KALRN: variants seen among roughly 807,000 people sequenced by gnomAD.
The protein encoded by KALRN is kalirin RhoGEF kinase.
KALRN carries 70 observed loss-of-function variants against 353.7 expected under a neutral mutation model. The observed-to-expected ratio is 0.20, with a 90% CI of 0.16 to 0.24. The LOEUF (loss-of-function observed/expected upper bound fraction) is 0.24, where lower values mean the gene tolerates loss of function less well. KALRN is among the 10% of genes least tolerant of loss of function. The probability of loss-of-function intolerance (pLI) is 1.00; values close to 1 mark genes in which losing one functional copy is unlikely to be tolerated. For missense variants in KALRN, 2,791 were observed against 3,756.7 expected, an observed-to-expected ratio of 0.74 and a Z score of 6.72; for synonymous variants, 1,391 against 1,434.8, an observed-to-expected ratio of 0.97 and a Z score of 0.69.
chr3:124,530,352 T>A (rs1224953121), intron 33 of KALRN, among the ~76,000 whole-genome samples: 7 of 152,184 alleles, frequency 4.6e-5, no homozygotes. Flanking sequence ...CCTCCCTTTT[T>A]ATCTCTGTCC....
At chr3:124,055,300 A>C (rs1333309335) in intron 1 of KALRN, among the ~76,000 whole-genome samples, 1 of 152,154 alleles carries the variant, frequency 6.6e-6, no homozygotes, top group East Asian at 1.9e-4. Flanking sequence ...TGCTGGAGGG[A>C]TGCAGGGTTC....
intron 5 of KALRN, among the ~76,000 whole-genome samples, chr3:124,286,296 C>CCTCTTCCCCTTT (rs1483296405): frequency 1.0e-4 from 15 of 150,304 alleles, no homozygotes; most frequent in African/African-American, 3.2e-4. Flanking sequence ...CCTTCCCCTT[C>CCTCTTCCCCTTT]CTCTTCCCCT....
chr3:124,705,796 G>T (rs1217576213), intron 57 of KALRN, among the ~76,000 whole-genome samples: 1 of 149,312 alleles, frequency 6.7e-6, no homozygotes, highest in Non-Finnish European at 1.5e-5. Flanking sequence ...GAAAAGACTG[G>T]TCCCTCCCTT....
At position 124,151,004 on chromosome 3, in the gene KALRN, A is replaced by G. The variant is rs1336523563; in HGVS notation, c.74-76986A>G. ...TGTCTGTCCTCTTTTGTTCAATGTT[A>G]TGTATGTGAGATTAATCCATGTTGT... is the stretch of plus-strand genomic sequence containing the variant. On this transcript the variant is annotated intron_variant, in intron 1 of 59. Coordinates refer to ENST00000682506, the MANE Select transcript of KALRN (RefSeq NM_001388419.1). Among the ~76,000 whole-genome samples, 2 of 152,186 alleles carry G rather than the reference A, an allele frequency of 1.3e-5. 1 individual carries two copies. Among genetic ancestry groups the G allele is most frequent in the Admixed American group, 1.3e-4 (2 of 15,270 alleles).
intron 3 of KALRN, among the ~76,000 whole-genome samples, chr3:124,243,814 A>G (rs1337128602): frequency 6.6e-6 from 1 of 152,238 alleles, no homozygotes; most frequent in African/African-American, 2.4e-5. Context: ...ATTCTGTGAG[A>G]TAACACATGT....
intron 16 of KALRN, among the ~76,000 whole-genome samples, chr3:124,433,597 A>T (rs1314615704): frequency 1.9e-5 from 1 of 51,440 alleles, no homozygotes; most frequent in East Asian, 7.8e-4. Flanking sequence ...GACCCTGTCT[A>T]AAAAAAAAAA....
At chr3:124,224,688 G>T (rs1382918019) in intron 1 of KALRN, among the ~76,000 whole-genome samples, 1 of 152,196 alleles carries the variant, frequency 6.6e-6, no homozygotes, top group Non-Finnish European at 1.5e-5. Context: ...GATTCTGGGG[G>T]ACAAATGGGC....
rs71145446 is a variant in KALRN, at chr3:124,311,064, C to CTTTTTTTTTTTTTTTTTTTT, written c.1092+12160_1092+12179dup. On this transcript the variant is annotated intron_variant, in intron 6 of 59. Coordinates refer to ENST00000682506, the MANE Select transcript of KALRN (RefSeq NM_001388419.1). ...TCAAAACCACAATGAGATACTACTT[C>CTTTTTTTTTTTTTTTTTTTT]TTTTTTTTTTTTTTTTTTTTTTTTT... 1.3e-4 allele frequency among the ~76,000 whole-genome samples: 9 copies of CTTTTTTTTTTTTTTTTTTTT among 67,526 alleles called. 1 individual carries two copies. Among genetic ancestry groups the CTTTTTTTTTTTTTTTTTTTT allele is most frequent in the Admixed American group, 2.1e-4 (1 of 4,720 alleles). The allele number at this position is 67,526 out of a possible 152,430, so 44.3% of individuals were successfully genotyped here. A position where few individuals can be genotyped will look rare whatever the true frequency, so the allele number is the denominator to read the frequency against.
intron 51 of KALRN, among the ~76,000 whole-genome samples, chr3:124,691,161 G>A (rs144501901): frequency 1.6e-4 from 25 of 152,258 alleles, no homozygotes; most frequent in Non-Finnish European, 2.2e-4. Flanking sequence ...GGGCGTGGTG[G>A]TTCATGCCTG....
Position 124,334,522 on chromosome 3 carries a change from A to G in KALRN, c.1647+27A>G, listed in dbSNP as rs767630787. On this transcript the variant is annotated intron_variant, in intron 9 of 59. Transcript: ENST00000682506. This position sits in a 1 kb window ranked among gnomAD's most constrained non-coding sequence, Gnocchi z 4.2. Reference sequence around the variant, plus strand: ...TAACAGGCTCTGAGCCCCGGTGTCCATTATCCATTCTAGGAGGCAGACCGA... The same window carrying G: ...TAACAGGCTCTGAGCCCCGGTGTCCGTTATCCATTCTAGGAGGCAGACCGA... 4 of 1,548,314 alleles carry G rather than the reference A, an allele frequency of 2.6e-6. No homozygotes were observed. The highest frequency in any genetic ancestry group is 3.5e-6 in the Non-Finnish European group (4 of 1,127,198).
rs905187634 is a variant in KALRN, at chr3:124,482,668, C to T, written c.4192-140C>T. On this transcript the variant is annotated intron_variant, in intron 27 of 59. Transcript: ENST00000682506. ...TGTTTCTCTTTTTACTCCCCTCTCC[C>T]TATGAAAGAACATGTTCTCATACTT... The T allele has an allele frequency of 8.0e-6, 5 of 626,998 alleles. No individual in the cohort carries two copies. In the Admixed American group the frequency reaches 1.0e-4, roughly 13 times the overall value. The allele number at this position is 626,998 out of a possible 1,614,324, so 38.8% of individuals were successfully genotyped here.
At chr3:124,117,789 G>A (rs2063587047) in intron 1 of KALRN, among the ~76,000 whole-genome samples, 1 of 152,130 alleles carries the variant, frequency 6.6e-6, no homozygotes, top group Non-Finnish European at 1.5e-5. Context: ...TCAGATTGAG[G>A]CATTCACCAA....
chr3:124,709,011 A>G (rs769412994), intron 57 of KALRN, among the ~76,000 whole-genome samples: 4 of 152,230 alleles, frequency 2.6e-5, no homozygotes, highest in Non-Finnish European at 4.4e-5. Context: ...CTGGCCACCA[A>G]GAATTCTAAA....
At chr3:124,491,075 T>G (rs900995980) in intron 30 of KALRN, among the ~76,000 whole-genome samples, 191 bp downstream of exon 30, 2 of 151,176 alleles carry the variant, frequency 1.3e-5, no homozygotes, top group South Asian at 4.2e-4. Context: ...AGTTCACAGT[T>G]CTTCTTTCTG....
At chr3:124,621,638 G>A (rs148606180) in intron 34 of KALRN, among the ~76,000 whole-genome samples, 3 of 152,120 alleles carry the variant, frequency 2.0e-5, no homozygotes, top group Non-Finnish European at 2.9e-5. Flanking sequence ...CCCACTTCCC[G>A]GCCCCATTTC....
At chr3:124,689,261 G>A (rs59477786) in intron 51 of KALRN, among the ~76,000 whole-genome samples, 78 of 152,156 alleles carry the variant, frequency 5.1e-4, no homozygotes, top group African/African-American at 1.9e-3. Context: ...GGCAACAGTT[G>A]CCCAGTACAG....
chr3:124,299,911 T>C (rs933804832), intron 6 of KALRN, among the ~76,000 whole-genome samples: 1 of 152,164 alleles, frequency 6.6e-6, no homozygotes, highest in Non-Finnish European at 1.5e-5. Flanking sequence ...TCCTGCAGCC[T>C]CAGAATGCCT....
intron 51 of KALRN, among the ~76,000 whole-genome samples, chr3:124,690,471 A>T (rs906104782): frequency 3.9e-5 from 6 of 152,158 alleles, no homozygotes; most frequent in Admixed American, 2.6e-4. Context: ...TTGCTGGAGG[A>T]TTTTAAATTA....
rs2076939846 is a variant in KALRN, at chr3:124,602,811, A to G, written c.5183-29609A>G. ...CTTCAGCTTTTGGGAGTCAGCCTAT[A>G]TGTTTCACAAATGACAAAGCTGAGG... On this transcript the variant is annotated intron_variant, in intron 34 of 59. Transcript: ENST00000682506. Among the ~76,000 whole-genome samples the G allele has an allele frequency of 2.0e-5, 3 of 152,180 alleles. No individual in the cohort carries two copies. In the South Asian group the frequency reaches 6.2e-4, roughly 32 times the overall value.
Sources: allele counts gnomAD v4.1 joint callset (sites outside exome capture counted in the v4.1 genomes callset), GRCh38; gene constraint gnomAD v4.1.1; non-coding constraint Gnocchi (gnomAD v3.1); transcripts MANE v1.5; gene names NCBI Gene and HGNC (gene_info 2026-07-23, HGNC 2026-07-21).